The following AFAP1 variants were observed in gnomAD, a reference collection of about 807,000 sequenced individuals.
AFAP1 encodes the protein actin filament-associated protein 1.
AFAP1 carries 75 observed loss-of-function variants against 93.9 expected under a neutral mutation model. The ratio of observed to expected loss-of-function variants is 0.80; its 90% CI spans 0.66 to 0.97. AFAP1 has a LOEUF of 0.97. Ranked by LOEUF, AFAP1 falls within the 50% of genes least tolerant of loss-of-function variation. The pLI is 0.00. For synonymous variants in AFAP1, 517 were observed against 430.7 expected (o/e 1.20, Z -2.48); for missense variants, 1,201 against 1,050.8 (o/e 1.14, Z -1.98).
chr4:7,866,708 A>G (rs918039289), intron 3 of AFAP1, among the ~76,000 whole-genome samples: 30 of 152,134 alleles, frequency 2.0e-4, no homozygotes, highest in Admixed American at 7.2e-4. Flanking sequence ...TAACAATGCT[A>G]TATTTCTGGA....
At chr4:7,887,150 G>A (rs955303245) in intron 1 of AFAP1, among the ~76,000 whole-genome samples, 8 of 152,312 alleles carry the variant, frequency 5.3e-5, no homozygotes, top group Non-Finnish European at 1.0e-4. Flanking sequence ...TGGGAGACTG[G>A]AGTAGGAAGG....
chr4:7,803,025 C>T (rs143412039), intron 9 of AFAP1, among the ~76,000 whole-genome samples: 5 of 152,334 alleles, frequency 3.3e-5, no homozygotes, highest in African/African-American at 7.2e-5. Flanking sequence ...CTGGGAACCA[C>T]GTGCTCGCCA....
At chr4:7,816,178 A>T in intron 7 of AFAP1, 79 bp from the exon 8 acceptor site, 1 of 1,232,498 alleles carries the variant, frequency 8.1e-7, no homozygotes, top group South Asian at 1.3e-5. Flanking sequence ...ACCAAAAGTT[A>T]TCTCAAAAGT....
intron 9 of AFAP1, among the ~76,000 whole-genome samples, chr4:7,806,784 C>T (rs1458468288): frequency 6.6e-6 from 1 of 152,162 alleles, no homozygotes; most frequent in Non-Finnish European, 1.5e-5. Flanking sequence ...CAAAAGCTGT[C>T]CACTAAGCAG....
rs566105414 is a variant in AFAP1, at chr4:7,872,602, A to C, written c.-2-522T>G. Among the ~76,000 whole-genome samples, 97 of 152,314 alleles carry C rather than the reference A, an allele frequency of 6.4e-4. 1 individual carries two copies. The highest frequency in any genetic ancestry group is 2.3e-3 in the African/African-American group (95 of 41,562). On this transcript the variant is annotated intron_variant, in intron 1 of 17. Coordinates refer to ENST00000420658, the MANE Select transcript of AFAP1 (RefSeq NM_001134647.2). The stretch of plus-strand genomic sequence containing the variant: ...GTGTAAATACAAGTTCAGGTGCTGA[A>C]TTCCCACCATGCCTTTTCCTTCTAG...
chr4:7,766,221 GCTTCGTGC>G (rs1714549098), intron 17 of AFAP1, among the ~76,000 whole-genome samples: 2 of 152,282 alleles, frequency 1.3e-5, no homozygotes, highest in Non-Finnish European at 1.5e-5. Context: ...AGCTGGGTAC[GCTTCGTGC>G]CTTCTTGCCC....
At chr4:7,817,431 G>A (rs1228874527) in intron 7 of AFAP1, among the ~76,000 whole-genome samples, 1 of 152,052 alleles carries the variant, frequency 6.6e-6, no homozygotes, top group Admixed American at 6.6e-5. Flanking sequence ...TGAAACCCCC[G>A]TCTCCACTAA....
chr4:7,882,428 A>G lies in AFAP1; in HGVS notation c.-2-10348T>C, dbSNP rs185641191. Among the ~76,000 whole-genome samples, 664 of 151,874 alleles carry G rather than the reference A, an allele frequency of 4.4e-3. 15 individuals are homozygous for G. The highest frequency in any genetic ancestry group is 1.3e-3 in the Non-Finnish European group (89 of 67,970). On this transcript the variant is annotated intron_variant, in intron 1 of 17. Coordinates refer to ENST00000420658, the MANE Select transcript of AFAP1 (RefSeq NM_001134647.2). ...TTTTTTTGAAGCAAATATAAATGTG[A>G]TATCTAAACCGAATAGAGATAGCAC...
chr4:7,920,169 G>C (rs539882460), intron 1 of AFAP1, among the ~76,000 whole-genome samples: 1 of 152,260 alleles, frequency 6.6e-6, no homozygotes, highest in Admixed American at 6.5e-5. Context: ...TAATGGGATT[G>C]CTGAGTCAAA....
chr4:7,924,984 C>T (rs1477428335), intron 1 of AFAP1, among the ~76,000 whole-genome samples: 1 of 152,122 alleles, frequency 6.6e-6, no homozygotes, highest in African/African-American at 2.4e-5. Flanking sequence ...CCTCCAGCCC[C>T]CACAACAGCC....
intron 9 of AFAP1, among the ~76,000 whole-genome samples, chr4:7,804,885 C>T (rs1025774328): frequency 6.6e-6 from 1 of 152,164 alleles, no homozygotes; most frequent in Admixed American, 6.5e-5. Context: ...AAGCAGCTTT[C>T]GGAGAAACCA....
chr4:7,809,587 G>C (rs762122028), intron 9 of AFAP1, 27 bp downstream of exon 9: 1 of 1,603,694 alleles, frequency 6.2e-7, no homozygotes, highest in Non-Finnish European at 8.5e-7. Flanking sequence ...GGTGCACGCT[G>C]CTCGTCTCCG....
intron 17 of AFAP1, among the ~76,000 whole-genome samples, chr4:7,767,844 T>C (rs1714825877): frequency 2.0e-5 from 3 of 152,086 alleles, no homozygotes; most frequent in South Asian, 2.1e-4. Context: ...CTTTGGGAGG[T>C]AGGAGGATCA....
Position 7,838,559 on chromosome 4 carries a change from C to A in AFAP1, c.691G>T (p.Val231Phe). The A allele has an allele frequency of 1.9e-6, 3 of 1,614,048 alleles. No individual in the cohort carries two copies. The highest frequency in any genetic ancestry group is 2.5e-6 in the Non-Finnish European group (3 of 1,179,982). Residue 231 changes from valine to phenylalanine, a missense_variant, in exon 6 of 18, where the codon GTC becomes TTC. Val to Phe is a conservative substitution (Grantham distance 50). Transcript: ENST00000420658. Reference sequence around the variant, plus strand: ...TGCTCGGCCTGTTCCTTGCTCTGGACGGCGAGAACAAGCGGGTCCGTGCCC... The same window carrying A: ...TGCTCGGCCTGTTCCTTGCTCTGGAAGGCGAGAACAAGCGGGTCCGTGCCC... ...QQGTDPLVLAVQSKEQAEQWL... is the reference protein window; with the variant it reads ...QQGTDPLVLAFQSKEQAEQWL...
At chr4:7,888,240 G>A (rs988765116) in intron 1 of AFAP1, among the ~76,000 whole-genome samples, 2 of 152,306 alleles carry the variant, frequency 1.3e-5, no homozygotes, top group Admixed American at 1.3e-4. Context: ...CTACAGAAAG[G>A]ACATTATGAT....
chr4:7,845,315 A>G (rs935361534), intron 4 of AFAP1, among the ~76,000 whole-genome samples: 5 of 151,968 alleles, frequency 3.3e-5, no homozygotes, highest in Non-Finnish European at 5.9e-5. Context: ...CCAACTACTC[A>G]AGAGGCTGAG....
rs936411255 is a variant in AFAP1, at chr4:7,933,560, G to A, written c.-3+6096C>T. The stretch of plus-strand genomic sequence containing the variant: ...TGCACTCCAGCCTGGGCAACAGTGC[G>A]AGACTCCGTCTCAAAAAAAATATTT... On this transcript the variant is annotated intron_variant, in intron 1 of 17. Transcript: ENST00000420658. Among the ~76,000 whole-genome samples the A allele has an allele frequency of 1.3e-5, 2 of 152,152 alleles. 1 individual carries two copies. Among genetic ancestry groups the A allele is most frequent in the South Asian group, 4.1e-4 (2 of 4,826 alleles).
At chr4:7,790,841 C>A (rs1231364897) in intron 11 of AFAP1, among the ~76,000 whole-genome samples, 7 of 152,142 alleles carry the variant, frequency 4.6e-5, no homozygotes, top group African/African-American at 1.7e-4. Flanking sequence ...GTGGTGAGAA[C>A]AGTGTGCACT....
intron 8 of AFAP1, among the ~76,000 whole-genome samples, chr4:7,811,792 G>A (rs2149055512): frequency 6.6e-6 from 1 of 152,232 alleles, no homozygotes; most frequent in East Asian, 1.9e-4. Flanking sequence ...CCGTCTAAAT[G>A]CATGTTGTTT....
Sources: gnomAD v4.1 joint callset for allele counts (sites outside exome capture counted in the v4.1 genomes callset) on GRCh38, gnomAD v4.1.1 for gene constraint, MANE v1.5 for transcripts, NCBI Gene and HGNC (gene_info 2026-07-23, HGNC 2026-07-21) for gene names.